The following SOX5 variants were observed in gnomAD, a reference collection of about 807,000 sequenced individuals.
The protein encoded by SOX5 is SRY-box transcription factor 5, also known as transcription factor SOX-5.
Under a neutral mutation model 92.0 loss-of-function variants are expected in SOX5, and 9 were observed. The observed-to-expected ratio is 0.10, with a 90% CI of 0.06 to 0.17. The LOEUF is 0.17. Ranked by LOEUF, SOX5 falls within the 10% of genes least tolerant of loss-of-function variation. The probability of loss-of-function intolerance (pLI) is 1.00; values close to 1 mark genes in which losing one functional copy is unlikely to be tolerated. For synonymous variants in SOX5, 344 were observed against 336.3 expected, an observed-to-expected ratio of 1.02 and a Z score of -0.25; for missense variants, 642 against 944.5, an observed-to-expected ratio of 0.68 and a Z score of 4.20.
At chr12:23,962,220 CA>C (rs35121622) in intron 4 of SOX5, among the ~76,000 whole-genome samples, 1 of 133,700 alleles carries the variant, frequency 7.5e-6, no homozygotes, top group Non-Finnish European at 1.6e-5. Flanking sequence ...GTTAAACAAA[CA>C]ACAAAAAAGA....
chr12:23,585,723 TAACAAAAAGCACCC>T (rs1359329933), intron 9 of SOX5, among the ~76,000 whole-genome samples: 4 of 152,090 alleles, frequency 2.6e-5, no homozygotes, highest in Non-Finnish European at 5.9e-5. Context: ...AAAACATTTC[TAACAAAAAGCACCC>T]TGAGAAATCA....
chr12:24,041,861 T>C (rs10505931), intron 4 of SOX5, among the ~76,000 whole-genome samples: 74,613 of 151,904 alleles, frequency 0.49, 18,506 homozygotes, highest in Middle Eastern at 0.56. Flanking sequence ...CTAATAAATT[T>C]GGTAAGACTT....
At chr12:24,446,747 AATAAGGATAAAC>A (rs1941540534) in intron 1 of SOX5, among the ~76,000 whole-genome samples, 1 of 152,018 alleles carries the variant, frequency 6.6e-6, no homozygotes, top group African/African-American at 2.4e-5. Context: ...GCCGAAATGT[AATAAGGATAAAC>A]ATAATATATG....
chr12:23,658,355 C>A (rs1031657378), intron 7 of SOX5, among the ~76,000 whole-genome samples: 1 of 152,134 alleles, frequency 6.6e-6, no homozygotes, highest in Non-Finnish European at 1.5e-5. Flanking sequence ...ATGTTGTATA[C>A]ATTTTTGAAC....
rs552694677 is a variant in SOX5, at chr12:24,407,857, C to A, written c.-250-39218G>T. Among the ~76,000 whole-genome samples, 3 of 152,154 alleles carry A rather than the reference C, an allele frequency of 2.0e-5. No homozygotes were observed. The South Asian group carries it at 6.2e-4, about 32-fold the overall frequency. ...GGAACAACGTATAGAAAAGAGGAAA[C>A]GTAGTAGGGAATTTCGAGGTTTCTA... On this transcript the variant is annotated intron_variant, in intron 1 of 4. Coordinates refer to the SOX5 transcript ENST00000446891.
chr12:24,209,404 G>A (rs1958355013), intron 4 of SOX5, among the ~76,000 whole-genome samples: 1 of 152,124 alleles, frequency 6.6e-6, no homozygotes, highest in South Asian at 2.1e-4. Flanking sequence ...TTATTCTTAT[G>A]ACTGAAAAGG....
intron 4 of SOX5, among the ~76,000 whole-genome samples, chr12:24,130,336 C>T (rs138957913): frequency 0.017 from 2,602 of 152,186 alleles, 31 homozygotes; most frequent in Admixed American, 0.025. Flanking sequence ...CTCTTTAGCT[C>T]CAATGAGTAA....
intron 1 of SOX5, among the ~76,000 whole-genome samples, chr12:24,373,792 T>G (rs1412113799): frequency 1.3e-5 from 2 of 152,238 alleles, no homozygotes; most frequent in Non-Finnish European, 2.9e-5. Context: ...ACAGATATGC[T>G]ACTTTCTGAA....
intron 1 of SOX5, among the ~76,000 whole-genome samples, chr12:24,401,181 A>C (rs1222114153): frequency 6.6e-6 from 1 of 151,818 alleles, no homozygotes; most frequent in Non-Finnish European, 1.5e-5. Flanking sequence ...GTGAAACCCT[A>C]TCTCTAATAT....
chr12:23,561,813 TAAAAAAAA>T (rs34791864), intron 11 of SOX5, among the ~76,000 whole-genome samples: 2 of 139,062 alleles, frequency 1.4e-5, no homozygotes, highest in African/African-American at 5.4e-5. Context: ...TTTGGAGGAT[TAAAAAAAA>T]AAAAAAAAAG....
chr12:23,746,622 G>T (rs1247639178), intron 4 of SOX5, among the ~76,000 whole-genome samples: 1 of 152,132 alleles, frequency 6.6e-6, no homozygotes, highest in Non-Finnish European at 1.5e-5. Flanking sequence ...CCTAAAAACT[G>T]CAGGCATAGC....
At chr12:24,214,994 A>T (rs985727531) in intron 3 of SOX5, among the ~76,000 whole-genome samples, 1 of 152,118 alleles carries the variant, frequency 6.6e-6, no homozygotes, top group Non-Finnish European at 1.5e-5. Context: ...ATATTAATAA[A>T]GGGAAAAATC....
chr12:23,711,303 T>C (rs960338252), intron 6 of SOX5, among the ~76,000 whole-genome samples: 5 of 152,198 alleles, frequency 3.3e-5, no homozygotes, highest in African/African-American at 1.2e-4. Flanking sequence ...TCTTCACTTC[T>C]TAATTTTTAA....
chr12:23,692,343 A>C (rs1441873441), intron 6 of SOX5, among the ~76,000 whole-genome samples: 2 of 151,586 alleles, frequency 1.3e-5, no homozygotes, highest in East Asian at 3.9e-4. Flanking sequence ...AGGCTGAGGC[A>C]GGAGAATCAC....
chr12:24,255,022 G>T (rs1471501635), intron 3 of SOX5, among the ~76,000 whole-genome samples: 1 of 152,032 alleles, frequency 6.6e-6, no homozygotes, highest in Non-Finnish European at 1.5e-5. Context: ...AACAAGAAAA[G>T]AAAGCAATGC....
chr12:23,795,809 T>C (rs1258680404), intron 3 of SOX5, among the ~76,000 whole-genome samples: 3 of 152,180 alleles, frequency 2.0e-5, no homozygotes, highest in Non-Finnish European at 4.4e-5. Flanking sequence ...CACATATGTA[T>C]GTATATGAAA....
chr12:24,238,367 GT>G (rs575484387), intron 3 of SOX5, among the ~76,000 whole-genome samples: 1 of 152,132 alleles, frequency 6.6e-6, no homozygotes, highest in African/African-American at 2.4e-5. Context: ...AGTTTTTTGA[GT>G]TTTTTGTTGT....
intron 4 of SOX5, among the ~76,000 whole-genome samples, chr12:24,012,379 T>C (rs1165823520): frequency 6.6e-6 from 1 of 152,106 alleles, no homozygotes; most frequent in Non-Finnish European, 1.5e-5. Flanking sequence ...CCAGAAGACA[T>C]TCAGGACATG....
At chr12:23,703,688 C>T (rs1334822165) in intron 6 of SOX5, among the ~76,000 whole-genome samples, 1 of 151,212 alleles carries the variant, frequency 6.6e-6, no homozygotes, top group East Asian at 1.9e-4. Context: ...ATGAAATTTT[C>T]AAGCTACATA....
Sources: gnomAD v4.1 joint callset for allele counts (sites outside exome capture counted in the v4.1 genomes callset) on GRCh38, gnomAD v4.1.1 for gene constraint, MANE v1.5 for transcripts, NCBI Gene and HGNC (gene_info 2026-07-23, HGNC 2026-07-21) for gene names.